Variants in SGCZ observed in about 807,000 individuals in gnomAD.
The protein encoded by SGCZ is sarcoglycan zeta.
A neutral mutation model predicts 41.3 loss-of-function variants in SGCZ; 40 were observed. That is an observed-to-expected ratio of 0.97 (90% confidence interval 0.75 to 1.26). The LOEUF is 1.26. Ranked by LOEUF, SGCZ falls within the 50% of genes most tolerant of loss-of-function variation. The probability of loss-of-function intolerance (pLI) is 0.00; values close to 1 mark genes in which losing one functional copy is unlikely to be tolerated. For missense variants in SGCZ, 552 were observed against 369.8 expected (o/e 1.49, Z -4.04); for synonymous variants, 206 against 137.5 (o/e 1.50, Z -3.49).
chr8:14,332,309 T>C (rs1374743080), intron 2 of SGCZ, among the ~76,000 whole-genome samples: 2 of 152,000 alleles, frequency 1.3e-5, no homozygotes, highest in South Asian at 2.1e-4. Flanking sequence ...GGCGTGGTGG[T>C]GGGTGCCTGT....
At chr8:14,805,738 C>T (rs1801498500) in intron 1 of SGCZ, among the ~76,000 whole-genome samples, 2 of 152,078 alleles carry the variant, frequency 1.3e-5, no homozygotes, top group Admixed American at 6.6e-5. Flanking sequence ...ACGTAATAGA[C>T]ATCTACAGAA....
At chr8:14,110,172 A>G (rs1205520569) in intron 5 of SGCZ, among the ~76,000 whole-genome samples, 1 of 152,168 alleles carries the variant, frequency 6.6e-6, no homozygotes, top group Non-Finnish European at 1.5e-5. Context: ...TAGTGGGGAT[A>G]GCATTTGAAA....
At chr8:14,239,149 T>C (rs1284148570) in intron 3 of SGCZ, among the ~76,000 whole-genome samples, 1 of 152,022 alleles carries the variant, frequency 6.6e-6, no homozygotes, top group African/African-American at 2.4e-5. Context: ...GTTTAAAGTA[T>C]AGTTCATGGA....
intron 2 of SGCZ, among the ~76,000 whole-genome samples, chr8:14,381,332 A>G (rs13263674): frequency 0.21 from 32,468 of 152,156 alleles, 3,950 homozygotes; most frequent in Non-Finnish European, 0.29. Context: ...AAAACATACA[A>G]CCTTCTACAA....
chr8:14,137,272 C>T (rs1274817998), intron 5 of SGCZ, among the ~76,000 whole-genome samples: 1 of 152,220 alleles, frequency 6.6e-6, no homozygotes, highest in Non-Finnish European at 1.5e-5. Flanking sequence ...CACCTCTTCT[C>T]CTCCAAAGAT....
chr8:14,341,281 T>C (rs1802694806), intron 2 of SGCZ, among the ~76,000 whole-genome samples: 1 of 152,234 alleles, frequency 6.6e-6, no homozygotes, highest in Non-Finnish European at 1.5e-5. Flanking sequence ...CTTTTGAGTA[T>C]ATATCCGAAA....
chr8:15,041,440 T>C (rs866636509), intron 1 of SGCZ, among the ~76,000 whole-genome samples: 4 of 152,152 alleles, frequency 2.6e-5, no homozygotes, highest in Middle Eastern at 6.9e-3. Context: ...AAGATGAATA[T>C]TATTTCATAG....
At chr8:14,391,294 T>C (rs1331541478) in intron 2 of SGCZ, among the ~76,000 whole-genome samples, 1 of 152,180 alleles carries the variant, frequency 6.6e-6, no homozygotes, top group Non-Finnish European at 1.5e-5. Context: ...ACTTGGATTT[T>C]TTTTTCCTTC....
intron 2 of SGCZ, among the ~76,000 whole-genome samples, chr8:14,400,178 A>G (rs1180768052): frequency 6.6e-6 from 1 of 150,616 alleles, no homozygotes; most frequent in East Asian, 1.9e-4. Flanking sequence ...CATCCATCTA[A>G]TAGCGTGTAT....
chr8:14,607,343 C>G (rs7832551), intron 1 of SGCZ, among the ~76,000 whole-genome samples: 1 of 152,078 alleles, frequency 6.6e-6, no homozygotes, highest in Non-Finnish European at 1.5e-5. Flanking sequence ...CACTGAATTA[C>G]GATCATCACT....
At chr8:15,193,234 G>A (rs1800597347) in intron 1 of SGCZ, among the ~76,000 whole-genome samples, 1 of 151,914 alleles carries the variant, frequency 6.6e-6, no homozygotes, top group Non-Finnish European at 1.5e-5. Flanking sequence ...AAAGACATTT[G>A]GTAGAAGACT....
chr8:14,279,803 T>C lies in SGCZ; in HGVS notation c.337-42124A>G, dbSNP rs374952951. 7.9e-5 allele frequency among the ~76,000 whole-genome samples: 12 copies of C among 152,016 alleles called. No homozygotes were observed. In the East Asian group the frequency reaches 1.7e-3, roughly 22 times the overall value. On this transcript the variant is annotated intron_variant, in intron 3 of 7. Transcript: ENST00000382080. ...ATAACTGAATTTTCAGAAAATACTC[T>C]TATTTATAATCTGGATCCTCATGCT...
At chr8:14,729,302 T>C (rs575337757) in intron 1 of SGCZ, among the ~76,000 whole-genome samples, 2 of 152,326 alleles carry the variant, frequency 1.3e-5, no homozygotes, top group East Asian at 3.9e-4. Context: ...ACCACATGAA[T>C]GAACCTTTCA....
intron 2 of SGCZ, among the ~76,000 whole-genome samples, chr8:14,397,497 C>T (rs1028758790): frequency 5.9e-5 from 9 of 152,064 alleles, no homozygotes; most frequent in South Asian, 2.1e-4. Context: ...GTCCAAGTTA[C>T]ATTTTATGTG....
intron 1 of SGCZ, among the ~76,000 whole-genome samples, chr8:14,590,623 C>A (rs1164336640): frequency 6.7e-6 from 1 of 150,102 alleles, no homozygotes; most frequent in Non-Finnish European, 1.5e-5. Context: ...AATGAAACAA[C>A]AAATGGCAAA....
At chr8:14,861,582 A>G (rs1803748120) in intron 1 of SGCZ, among the ~76,000 whole-genome samples, 1 of 152,134 alleles carries the variant, frequency 6.6e-6, no homozygotes, top group Admixed American at 6.6e-5. Context: ...TTTTCTTTAC[A>G]TGGAGTGATA....
intron 1 of SGCZ, among the ~76,000 whole-genome samples, chr8:14,627,934 T>C (rs1806517191): frequency 1.3e-5 from 2 of 152,136 alleles, no homozygotes; most frequent in South Asian, 2.1e-4. Context: ...TATTGTATAA[T>C]TTTAAGCTTC....
chr8:14,727,373 T>C (rs1810089791), intron 1 of SGCZ, among the ~76,000 whole-genome samples: 1 of 152,164 alleles, frequency 6.6e-6, no homozygotes, highest in African/African-American at 2.4e-5. Flanking sequence ...TACTATTCAT[T>C]GCTGCTGGGA....
At chr8:15,131,345 C>T (rs565207564) in intron 1 of SGCZ, among the ~76,000 whole-genome samples, 1 of 152,148 alleles carries the variant, frequency 6.6e-6, no homozygotes, top group Non-Finnish European at 1.5e-5. Flanking sequence ...GGCTCTCATT[C>T]TCTCTTGCCT....
Sources: allele counts gnomAD v4.1 joint callset (sites outside exome capture counted in the v4.1 genomes callset), GRCh38; gene constraint gnomAD v4.1.1; transcripts MANE v1.5; gene names NCBI Gene and HGNC (gene_info 2026-07-23, HGNC 2026-07-21).